Variants in TAFA4 observed in about 807,000 individuals in gnomAD.
The protein encoded by TAFA4 is TAFA chemokine like family member 4.
A neutral mutation model predicts 21.1 loss-of-function variants in TAFA4; 20 were observed. The observed-to-expected ratio is 0.95, with a 90% CI of 0.67 to 1.38. The LOEUF (loss-of-function observed/expected upper bound fraction) is 1.38, where lower values mean the gene tolerates loss of function less well. Among genes scored for constraint, TAFA4 ranks in the 40% most tolerant of loss-of-function variants. The probability of loss-of-function intolerance (pLI) is 0.00; values close to 1 mark genes in which losing one functional copy is unlikely to be tolerated. For missense variants in TAFA4, 211 were observed against 180.9 expected (o/e 1.17, Z -0.95); for synonymous variants, 71 against 67.4 (o/e 1.05, Z -0.26).
intron 3 of TAFA4, among the ~76,000 whole-genome samples, chr3:68,803,658 GTGTT>G (rs2106831205): frequency 6.6e-6 from 1 of 150,462 alleles, no homozygotes; most frequent in South Asian, 2.1e-4. Flanking sequence ...CTCTGACCCT[GTGTT>G]TGTTTTTCAA....
intron 3 of TAFA4, among the ~76,000 whole-genome samples, chr3:68,760,013 T>A (rs1280503008): frequency 6.6e-6 from 1 of 152,128 alleles, no homozygotes; most frequent in Non-Finnish European, 1.5e-5. Flanking sequence ...CTTGAAACTG[T>A]TACTCGATTC....
chr3:68,825,977 A>G (rs1228551575), intron 3 of TAFA4, among the ~76,000 whole-genome samples: 2 of 152,212 alleles, frequency 1.3e-5, no homozygotes, highest in Non-Finnish European at 2.9e-5. Flanking sequence ...TCATAATAAA[A>G]GAAGCCAAAC....
intron 3 of TAFA4, among the ~76,000 whole-genome samples, chr3:68,850,299 T>G (rs1485043382): frequency 1.3e-5 from 2 of 152,142 alleles, no homozygotes; most frequent in Admixed American, 1.3e-4. Context: ...GCATCCACAA[T>G]GTACACACCA....
chr3:68,926,497 G>C (rs1183260807), intron 1 of TAFA4, among the ~76,000 whole-genome samples: 1 of 152,192 alleles, frequency 6.6e-6, no homozygotes, highest in Non-Finnish European at 1.5e-5. Context: ...AGATACTTGG[G>C]TTCCCCGACA....
intron 3 of TAFA4, among the ~76,000 whole-genome samples, chr3:68,807,524 T>C (rs1189272421): frequency 6.6e-6 from 1 of 151,980 alleles, no homozygotes; most frequent in Non-Finnish European, 1.5e-5. Flanking sequence ...CCTGGAGTCC[T>C]GCAAAATGAA....
intron 1 of TAFA4, among the ~76,000 whole-genome samples, chr3:68,904,464 C>T (rs1328769688): frequency 2.0e-5 from 3 of 152,152 alleles, no homozygotes; most frequent in East Asian, 1.9e-4. Context: ...AGATAAAATG[C>T]GTAAGCAGGC....
chr3:68,844,790 A>C (rs1248445949), intron 3 of TAFA4, among the ~76,000 whole-genome samples: 2 of 152,208 alleles, frequency 1.3e-5, no homozygotes, highest in Non-Finnish European at 2.9e-5. Flanking sequence ...GGAGTGATTC[A>C]GGAGCAGGCT....
chr3:68,784,226 A>T (rs1703207456), intron 3 of TAFA4, among the ~76,000 whole-genome samples: 2 of 152,242 alleles, frequency 1.3e-5, no homozygotes, highest in Non-Finnish European at 2.9e-5. Context: ...GGAAGGCACA[A>T]CTTTTGATGT....
chr3:68,848,339 G>A (rs1182313764), intron 3 of TAFA4, among the ~76,000 whole-genome samples: 2 of 152,194 alleles, frequency 1.3e-5, no homozygotes, highest in African/African-American at 4.8e-5. Flanking sequence ...CAATGAATCA[G>A]AGAGTGTCTT....
At chr3:68,761,321 A>G (rs902614941) in intron 3 of TAFA4, among the ~76,000 whole-genome samples, 1 of 151,948 alleles carries the variant, frequency 6.6e-6, no homozygotes, top group Non-Finnish European at 1.5e-5. Flanking sequence ...ATGCTAATAT[A>G]ACACTGAAAA....
In TAFA4 at chr3:68,809,525, T is replaced by C. The variant is rs1464017255; in HGVS notation, c.131-56507A>G. Reference sequence around the variant, plus strand: ...TAATGTCTCCACTATGTTGATTTTTTTTTTTTTTTTTTTTGCCGTGCAGAA... The same window carrying C: ...TAATGTCTCCACTATGTTGATTTTTCTTTTTTTTTTTTTTGCCGTGCAGAA... On this transcript the variant is annotated intron_variant, in intron 3 of 5. Transcript: ENST00000295569. Among the ~76,000 whole-genome samples, 182 of 147,676 alleles carry C rather than the reference T, an allele frequency of 1.2e-3. 2 individuals are homozygous for C. Among genetic ancestry groups the C allele is most frequent in the African/African-American group, 4.4e-3 (179 of 40,756 alleles).
chr3:68,828,110 C>A (rs62254120), intron 3 of TAFA4, among the ~76,000 whole-genome samples: 1 of 151,800 alleles, frequency 6.6e-6, no homozygotes, highest in South Asian at 2.1e-4. Context: ...CTAGTTTTCA[C>A]ACCAGCATTT....
chr3:68,903,809 C>T (rs972109870), intron 1 of TAFA4, among the ~76,000 whole-genome samples: 1 of 152,074 alleles, frequency 6.6e-6, no homozygotes, highest in Non-Finnish European at 1.5e-5. Context: ...CATCAAACTC[C>T]CAAAGGGACC....
At chr3:68,892,321 C>T (rs950079560) in intron 1 of TAFA4, among the ~76,000 whole-genome samples, 7 of 152,128 alleles carry the variant, frequency 4.6e-5, no homozygotes, top group African/African-American at 1.4e-4. Context: ...CCATTAAAGA[C>T]AATAACTGTC....
chr3:68,786,233 A>G (rs1177347616), intron 3 of TAFA4, among the ~76,000 whole-genome samples: 23 of 152,260 alleles, frequency 1.5e-4, no homozygotes, highest in Non-Finnish European at 1.5e-5. Flanking sequence ...AAACCTGCAC[A>G]TCCTGCACAT....
At chr3:68,844,858 T>C (rs1055423864) in intron 3 of TAFA4, among the ~76,000 whole-genome samples, 15 of 152,240 alleles carry the variant, frequency 9.9e-5, no homozygotes, top group African/African-American at 3.6e-4. Flanking sequence ...TGAGTTCTAA[T>C]TTGATTGCAC....
Position 68,908,108 on chromosome 3 carries a change from A to G in TAFA4, c.-122-22798T>C, listed in dbSNP as rs111494270. The stretch of plus-strand genomic sequence containing the variant: ...TAGGTTTTTCATATAACTGACTCCA[A>G]TGCAAAAATATTTTAAAATGTAGGC... On this transcript the variant is annotated intron_variant, in intron 1 of 5. Transcript: ENST00000295569. Among the ~76,000 whole-genome samples the G allele has an allele frequency of 3.6e-3, 545 of 152,330 alleles. 6 individuals are homozygous for G. Among genetic ancestry groups the G allele is most frequent in the African/African-American group, 0.012 (509 of 41,576 alleles).
intron 1 of TAFA4, among the ~76,000 whole-genome samples, chr3:68,920,709 C>T (rs2090051640): frequency 6.8e-6 from 1 of 147,350 alleles, no homozygotes; most frequent in Admixed American, 6.8e-5. Context: ...CACTGTGACC[C>T]TGTATTATGA....
intron 3 of TAFA4, among the ~76,000 whole-genome samples, chr3:68,754,012 T>C (rs1329969854): frequency 6.6e-6 from 1 of 152,230 alleles, no homozygotes; most frequent in Admixed American, 6.5e-5. Flanking sequence ...ATTGCTGTTG[T>C]AACAGACTTC....
Sources: gnomAD v4.1 joint callset for allele counts (sites outside exome capture counted in the v4.1 genomes callset) on GRCh38, gnomAD v4.1.1 for gene constraint, MANE v1.5 for transcripts, NCBI Gene and HGNC (gene_info 2026-07-23, HGNC 2026-07-21) for gene names.